PAK6: variants seen among roughly 807,000 people sequenced by gnomAD.
PAK6 encodes the protein serine/threonine-protein kinase PAK 6.
A neutral mutation model predicts 60.8 loss-of-function variants in PAK6; 33 were observed. That is an observed-to-expected ratio of 0.54 (90% CI 0.41 to 0.73). The LOEUF (loss-of-function observed/expected upper bound fraction) is 0.73, where lower values mean the gene tolerates loss of function less well. PAK6 is among the 30% of genes least tolerant of loss of function. The pLI, the probability that PAK6 is intolerant of heterozygous loss-of-function variation, is 0.00. For missense variants in PAK6, 845 were observed against 904.1 expected, an observed-to-expected ratio of 0.93 and a Z score of 0.84; for synonymous variants, 404 against 378.5, an observed-to-expected ratio of 1.07 and a Z score of -0.78.
In PAK6 at chr15:40,252,755, C is replaced by G. The variant is rs746424256; in HGVS notation, c.-117-423C>G. 2.3e-6 allele frequency: 3 copies of G among 1,301,874 alleles called. No individual in the cohort carries two copies. In the South Asian group the frequency reaches 3.7e-5, roughly 16 times the overall value. The allele number at this position is 1,301,874 out of a possible 1,614,324, so 80.6% of individuals were successfully genotyped here. On this transcript the variant is annotated intron_variant, in intron 2 of 10. Coordinates refer to ENST00000560346, the Ensembl canonical transcript of PAK6. The stretch of plus-strand genomic sequence containing the variant: ...GACGGGCCTCCCAACACGCGCAGCC[C>G]CCTTCCTGGGTGCCCATGCCCCGAA...
At position 40,252,341 on chromosome 15, in the gene PAK6, A is replaced by T. The variant is rs750689116; in HGVS notation, c.-117-837A>T. The T allele has an allele frequency of 5.0e-5, 64 of 1,287,300 alleles. 1 individual carries two copies. The South Asian group carries it at 7.8e-4, about 16-fold the overall frequency. The allele number at this position is 1,287,300 out of a possible 1,614,324, so 79.7% of individuals were successfully genotyped here. A position where few individuals can be genotyped will look rare whatever the true frequency, so the allele number is the denominator to read the frequency against. On this transcript the variant is annotated intron_variant, in intron 2 of 10. Coordinates refer to ENST00000560346, the Ensembl canonical transcript of PAK6. The stretch of plus-strand genomic sequence containing the variant: ...GGCGGCCACTGGGCCGTGGAGCCGC[A>T]GGCAGGTCCCCGCGGCTGTGGCCAG...
At chr15:40,276,374 C>G (rs1311771736) in exon 11 of PAK6, 1 of 427,034 alleles carries the variant, frequency 2.3e-6, no homozygotes, top group Non-Finnish European at 4.2e-6. Flanking sequence ...GGCCAGCGTT[C>G]CTGGCCTCTG....
exon 4 of PAK6, chr15:40,264,931 G>A (rs756513847): frequency 2.4e-5 from 38 of 1,613,624 alleles, no homozygotes; most frequent in South Asian, 5.5e-5. Context: ...ACACTGCGGC[G>A]CCCCAAGCCC....
chr15:40,254,262 C>T (rs2038775844), intron 3 of PAK6, among the ~76,000 whole-genome samples: 1 of 152,210 alleles, frequency 6.6e-6, no homozygotes, highest in Non-Finnish European at 1.5e-5. Flanking sequence ...CATCAGCCTC[C>T]AGCTGCTATG....
exon 7 of PAK6, chr15:40,272,940 G>A: frequency 6.2e-7 from 1 of 1,614,120 alleles, no homozygotes; most frequent in East Asian, 2.2e-5. Flanking sequence ...GCGAGGAGCT[G>A]TGGGTGCTCA....
intron 2 of PAK6, chr15:40,251,626 C>T (rs1295884666): frequency 2.6e-5 from 4 of 152,654 alleles, no homozygotes; most frequent in Admixed American, 2.6e-4. Context: ...CCAGCCACCA[C>T]TTGACGGCAG....
intron 4 of PAK6, among the ~76,000 whole-genome samples, chr15:40,265,334 C>T (rs968420364): frequency 3.3e-5 from 5 of 152,228 alleles, no homozygotes; most frequent in African/African-American, 1.2e-4. Context: ...AGGGCTCTCC[C>T]AGACCAGGAG....
chr15:40,248,475 G>A (rs565458199), intron 2 of PAK6, among the ~76,000 whole-genome samples: 29 of 152,190 alleles, frequency 1.9e-4, no homozygotes, highest in Non-Finnish European at 3.5e-4. Flanking sequence ...TCCAGCACAC[G>A]TGCCCCCACC....
intron 3 of PAK6, among the ~76,000 whole-genome samples, chr15:40,263,007 C>T (rs577349412): frequency 2.6e-5 from 4 of 152,252 alleles, no homozygotes; most frequent in East Asian, 1.9e-4. Flanking sequence ...CGGTGGATCC[C>T]GAACCTCAAG....
At chr15:40,273,216 ACTGTGCTGC>A (rs1227448495) in intron 7 of PAK6, 121 bp from the exon 8 acceptor site, 124 of 1,236,826 alleles carry the variant, frequency 1.0e-4, no homozygotes, top group Non-Finnish European at 1.4e-4. Context: ...CTATGGCCTG[ACTGTGCTGC>A]CAAACAGATT....
At position 40,275,999 on chromosome 15, in the gene PAK6, G is replaced by T. The variant is rs770058646; in HGVS notation, c.1951G>T (p.Glu651Ter). 2 of 1,613,084 alleles carry T rather than the reference G, an allele frequency of 1.2e-6. No homozygotes were observed. Among genetic ancestry groups the T allele is most frequent in the Non-Finnish European group, 1.7e-6 (2 of 1,179,820 alleles). The change falls in exon 11 of 11, where the codon GAG (glutamate) becomes TAG (stop). Residue 651 changes from glutamate to a stop codon, truncating the protein, a stop_gained. Coordinates refer to ENST00000560346, the Ensembl canonical transcript of PAK6. LOFTEE classifies it high-confidence loss of function. The stretch of plus-strand genomic sequence containing the variant: ...CCCCCAAGAGAGAGCCACAGCCCAG[G>T]AGCTCCTAGACCACCCCTTCCTGCT...
chr15:40,259,385 C>A, intron 3 of PAK6: 1 of 152,398 alleles, frequency 6.6e-6, no homozygotes, highest in Non-Finnish European at 1.5e-5. Context: ...ATGTTTTGTC[C>A]TGGGTGATTC....
chr15:40,250,085 A>G (rs2038621172), intron 2 of PAK6, among the ~76,000 whole-genome samples: 1 of 152,256 alleles, frequency 6.6e-6, no homozygotes, highest in Admixed American at 6.5e-5. Flanking sequence ...AGGGTGGCAC[A>G]TGGATGCTGC....
At chr15:40,267,522 G>A (rs1049856395) in intron 5 of PAK6, among the ~76,000 whole-genome samples, 10 of 152,236 alleles carry the variant, frequency 6.6e-5, no homozygotes, top group Non-Finnish European at 1.3e-4. Flanking sequence ...AGCCGGGCGC[G>A]GTGGCGGGCG....
At chr15:40,240,923 C>T (rs2038311401) in intron 2 of PAK6, among the ~76,000 whole-genome samples, 1 of 152,234 alleles carries the variant, frequency 6.6e-6, no homozygotes, top group Non-Finnish European at 1.5e-5. Flanking sequence ...TTCTACTCTT[C>T]CTGCCCCAGC....
At chr15:40,265,714 C>A in intron 4 of PAK6, 128 bp from the exon 5 acceptor site, 1 of 758,232 alleles carries the variant, frequency 1.3e-6, no homozygotes, top group Non-Finnish European at 2.0e-6. Flanking sequence ...GTGGATGACA[C>A]AGCAGGGAAG....
intron 3 of PAK6, among the ~76,000 whole-genome samples, chr15:40,260,679 A>G (rs2038958497): frequency 6.6e-6 from 1 of 152,198 alleles, no homozygotes; most frequent in South Asian, 2.1e-4. Context: ...ACCAAAGGAA[A>G]TATGCTGGGA....
intron 5 of PAK6, among the ~76,000 whole-genome samples, chr15:40,269,348 C>T (rs905888459): frequency 6.6e-6 from 1 of 152,168 alleles, no homozygotes; most frequent in Non-Finnish European, 1.5e-5. Context: ...AAATATTATG[C>T]CATGGCCTCT....
intron 3 of PAK6, chr15:40,263,746 C>G (rs2039043179): frequency 8.2e-6 from 3 of 366,654 alleles, no homozygotes; most frequent in South Asian, 6.0e-5. Flanking sequence ...CCATGGGTAT[C>G]CGGGACTACA....
Sources: gnomAD v4.1 joint callset for allele counts (sites outside exome capture counted in the v4.1 genomes callset) on GRCh38, gnomAD v4.1.1 for gene constraint, MANE v1.5 for transcripts, NCBI Gene and HGNC (gene_info 2026-07-23, HGNC 2026-07-21) for gene names.